The following ANKRD10 variants were observed in gnomAD, a reference collection of about 807,000 sequenced individuals.
The protein encoded by ANKRD10 is ankyrin repeat domain 10, also known as ankyrin repeat domain-containing protein 10.
Under a neutral mutation model 27.0 loss-of-function variants are expected in ANKRD10, and 14 were observed. That is an observed-to-expected ratio of 0.52 (90% CI 0.34 to 0.81). The LOEUF (loss-of-function observed/expected upper bound fraction) is 0.81, where lower values mean the gene tolerates loss of function less well. Among genes scored for constraint, ANKRD10 ranks in the 40% least tolerant of loss-of-function variants. ANKRD10 has a pLI of 0.01. For missense variants in ANKRD10, 493 were observed against 544.0 expected, an observed-to-expected ratio of 0.91 and a Z score of 0.93; for synonymous variants, 250 against 224.5, an observed-to-expected ratio of 1.11 and a Z score of -1.01.
At chr13:110,897,429 A>G (rs547018122) in intron 3 of ANKRD10, among the ~76,000 whole-genome samples, 67 of 151,470 alleles carry the variant, frequency 4.4e-4, no homozygotes, top group African/African-American at 1.6e-3. Flanking sequence ...CTTCTATGAG[A>G]TCTTTTTTAC....
At chr13:110,898,039 A>C (rs2065275425) in intron 3 of ANKRD10, among the ~76,000 whole-genome samples, 1 of 152,176 alleles carries the variant, frequency 6.6e-6, no homozygotes, top group African/African-American at 2.4e-5. Flanking sequence ...AAGTTGCCAA[A>C]TCTGTCACAA....
chr13:110,911,162 T>A (rs1437419029), intron 1 of ANKRD10, among the ~76,000 whole-genome samples: 1 of 152,178 alleles, frequency 6.6e-6, no homozygotes, highest in African/African-American at 2.4e-5. Context: ...TAAAAAACTT[T>A]GTGTAGGCCG....
At chr13:110,883,438 G>C in intron 5 of ANKRD10, 14 of 1,048,464 alleles carry the variant, frequency 1.3e-5, no homozygotes, top group Non-Finnish European at 1.7e-5. Context: ...AACACTTCTT[G>C]TATCTACAAA....
At chr13:110,885,841 C>G (rs2064915443) in intron 4 of ANKRD10, among the ~76,000 whole-genome samples, 1 of 152,160 alleles carries the variant, frequency 6.6e-6, no homozygotes, top group African/African-American at 2.4e-5. Flanking sequence ...GCCAATGTTC[C>G]CCGGATAAAG....
chr13:110,905,744 G>A (rs1310807496), intron 3 of ANKRD10, among the ~76,000 whole-genome samples: 1 of 152,166 alleles, frequency 6.6e-6, no homozygotes, highest in Non-Finnish European at 1.5e-5. Context: ...AAGTAATGGT[G>A]GCAAAGTAAT....
chr13:110,886,215 T>A (rs540807929), intron 4 of ANKRD10, among the ~76,000 whole-genome samples: 2 of 152,316 alleles, frequency 1.3e-5, no homozygotes, highest in South Asian at 4.1e-4. Context: ...GGAAACACAC[T>A]AGTCTCCCAG....
At chr13:110,912,639 C>T (rs988505447) in intron 1 of ANKRD10, among the ~76,000 whole-genome samples, 1 of 152,200 alleles carries the variant, frequency 6.6e-6, no homozygotes, top group Non-Finnish European at 1.5e-5. Context: ...AAAGCTACAA[C>T]AGAGATTTTA....
intron 1 of ANKRD10, among the ~76,000 whole-genome samples, chr13:110,912,233 AGAG>A (rs1256030990): frequency 1.3e-5 from 2 of 152,216 alleles, no homozygotes; most frequent in African/African-American, 4.8e-5. Flanking sequence ...ATTCTCTTCA[AGAG>A]GAGAGACCTC....
intron 4 of ANKRD10, among the ~76,000 whole-genome samples, chr13:110,891,274 T>A (rs148496715): frequency 2.0e-5 from 3 of 152,208 alleles, no homozygotes; most frequent in African/African-American, 4.8e-5. Flanking sequence ...AAGGATTTTT[T>A]TAAAAAGTGG....
rs566643835 is a variant in ANKRD10, at chr13:110,912,767, T to G, written c.210+1958A>C. 4.6e-5 allele frequency among the ~76,000 whole-genome samples: 7 copies of G among 152,338 alleles called. 2 individuals are homozygous for G. The highest frequency in any genetic ancestry group is 1.7e-4 in the African/African-American group (7 of 41,584). On this transcript the variant is annotated intron_variant, in intron 1 of 5. Coordinates refer to ENST00000267339, the MANE Select transcript of ANKRD10 (RefSeq NM_017664.4). Reference sequence around the variant, plus strand: ...GAAACCTGTGTAAGAGGGCAGCCGTTAGCAGGGCTGGGGAGAAAGCCTGGA... The same window carrying G: ...GAAACCTGTGTAAGAGGGCAGCCGTGAGCAGGGCTGGGGAGAAAGCCTGGA...
chr13:110,897,290 GCTA>G, intron 3 of ANKRD10, among the ~76,000 whole-genome samples: 1 of 107,898 alleles, frequency 9.3e-6, no homozygotes, highest in African/African-American at 3.5e-5. Context: ...ACCATGCCTG[GCTA>G]CTTTTTTTTT....
intron 1 of ANKRD10, among the ~76,000 whole-genome samples, chr13:110,913,922 T>TA (rs1291631351): frequency 6.6e-6 from 1 of 152,152 alleles, no homozygotes; most frequent in South Asian, 2.1e-4. Flanking sequence ...TTTAAAACCT[T>TA]AAAGCAGCAC....
chr13:110,892,808 T>TA, intron 4 of ANKRD10: 1 of 1,321,796 alleles, frequency 7.6e-7, no homozygotes. Flanking sequence ...CATAGACATT[T>TA]ACACTTGGGC....
At chr13:110,913,199 T>C (rs915176936) in intron 1 of ANKRD10, among the ~76,000 whole-genome samples, 1 of 152,200 alleles carries the variant, frequency 6.6e-6, no homozygotes, top group South Asian at 2.1e-4. Flanking sequence ...GTTCACTGAC[T>C]ATCACCCAGT....
intron 5 of ANKRD10, 98 bp from the exon 6 acceptor site, chr13:110,880,210 G>T: frequency 9.2e-7 from 1 of 1,083,996 alleles, no homozygotes; most frequent in Non-Finnish European, 1.3e-6. Flanking sequence ...AAGAATTTTA[G>T]TTTCTTTTTT....
At chr13:110,900,511 C>A in intron 3 of ANKRD10, 1 of 1,262,410 alleles carries the variant, frequency 7.9e-7, no homozygotes, top group Non-Finnish European at 1.0e-6. Context: ...GCGTTAAAAC[C>A]AATCACCGCA....
intron 4 of ANKRD10, among the ~76,000 whole-genome samples, chr13:110,887,411 G>A (rs2064960927): frequency 1.3e-5 from 2 of 152,188 alleles, no homozygotes; most frequent in Non-Finnish European, 2.9e-5. Flanking sequence ...ACCAGGTGGA[G>A]TGAAGACACT....
chr13:110,906,197 A>C (rs772650043), intron 2 of ANKRD10, 73 bp from the exon 3 acceptor site: 436 of 1,182,482 alleles, frequency 3.7e-4, no homozygotes, highest in Non-Finnish European at 5.0e-4. Flanking sequence ...AATGTCATTA[A>C]CACAGATCAG....
At position 110,914,853 on chromosome 13, in the gene ANKRD10, G is replaced by A. The variant is rs11552214; in HGVS notation, c.82C>T (p.Arg28Cys). The A allele has an allele frequency of 1.5e-5, 24 of 1,564,062 alleles. No homozygotes were observed. Among genetic ancestry groups the A allele is most frequent in the Non-Finnish European group, 2.1e-5 (24 of 1,156,546 alleles). ...GCCAGGTCCCCGTCGCGGCAGGCGC[G>A]GTGCAGCGGGAAACGGAGCGAGAGC... is the stretch of plus-strand genomic sequence containing the variant. Reference protein sequence around the residue: ...ELLSLRFPLHRACRDGDLATL... With the variant: ...ELLSLRFPLHCACRDGDLATL... Residue 28 changes from arginine (R) to cysteine (C), a missense_variant, in exon 1 of 6, where the codon CGC (arginine) becomes TGC (cysteine). Physicochemically the swap from Arg to Cys is radical, Grantham distance 180. Transcript: ENST00000267339.
Sources: allele counts gnomAD v4.1 joint callset (sites outside exome capture counted in the v4.1 genomes callset), GRCh38; gene constraint gnomAD v4.1.1; transcripts MANE v1.5; gene names NCBI Gene and HGNC (gene_info 2026-07-23, HGNC 2026-07-21).